PHTF2: variants seen among roughly 807,000 people sequenced by gnomAD.
PHTF2 encodes the protein protein PHTF2.
PHTF2 carries 60 observed loss-of-function variants against 101.2 expected under a neutral mutation model. The observed-to-expected ratio is 0.59, with a 90% CI of 0.48 to 0.73. PHTF2 has a LOEUF of 0.73. Ranked by LOEUF, PHTF2 falls within the 30% of genes least tolerant of loss-of-function variation. The probability of loss-of-function intolerance (pLI) is 0.00; values close to 1 mark genes in which losing one functional copy is unlikely to be tolerated. For missense variants in PHTF2, 747 were observed against 908.7 expected (o/e 0.82, Z 2.29); for synonymous variants, 311 against 307.3 (o/e 1.01, Z -0.13).
intron 7 of PHTF2, among the ~76,000 whole-genome samples, chr7:77,906,930 T>A (rs1801914426): frequency 1.1e-5 from 1 of 89,716 alleles, no homozygotes. Flanking sequence ...GAGTTAATGG[T>A]AGCTAAAAAA....
At chr7:77,885,992 A>G (rs1414040016) in intron 3 of PHTF2, among the ~76,000 whole-genome samples, 1 of 152,196 alleles carries the variant, frequency 6.6e-6, no homozygotes, top group Non-Finnish European at 1.5e-5. Flanking sequence ...TTTGACATAC[A>G]GTATTATGAT....
At chr7:77,899,060 C>T (rs190481611) in intron 5 of PHTF2, among the ~76,000 whole-genome samples, 16 of 152,192 alleles carry the variant, frequency 1.1e-4, no homozygotes, top group African/African-American at 7.2e-5. Flanking sequence ...CCTTGGCCCC[C>T]GCAAAGTGCT....
At position 77,805,713 on chromosome 7, in the gene PHTF2, A is replaced by G. The variant is rs1484651465; in HGVS notation, c.-36+6742A>G. On this transcript the variant is annotated intron_variant, in intron 1 of 19. Transcript: ENST00000416283. ...TTCCAAATATTTGGGGATTTTTCAG[A>G]TATTTTTTCCTTAGTTCTAACTTGA... is the stretch of plus-strand genomic sequence containing the variant. Among the ~76,000 whole-genome samples the G allele has an allele frequency of 2.0e-5, 3 of 152,302 alleles. No homozygotes were observed. The South Asian group carries it at 6.2e-4, about 32-fold the overall frequency.
intron 5 of PHTF2, 92 bp from the exon 5 acceptor site, chr7:77,900,619 T>A: frequency 1.4e-6 from 1 of 722,460 alleles, no homozygotes; most frequent in Non-Finnish European, 2.5e-6. Flanking sequence ...ATTAACAATT[T>A]TATTTTAAAT....
intron 12 of PHTF2, among the ~76,000 whole-genome samples, chr7:77,935,537 T>C (rs1156866873): frequency 6.6e-6 from 1 of 152,212 alleles, no homozygotes; most frequent in Non-Finnish European, 1.5e-5. Context: ...ATTAACTCTT[T>C]TAAAATTCAC....
chr7:77,887,991 A>G (rs890373635), intron 3 of PHTF2, among the ~76,000 whole-genome samples: 2 of 152,214 alleles, frequency 1.3e-5, no homozygotes, highest in African/African-American at 4.8e-5. Flanking sequence ...CTTGAAACAG[A>G]TCATTACTTA....
At chr7:77,867,312 G>C (rs1160660600) in intron 3 of PHTF2, among the ~76,000 whole-genome samples, 1 of 152,178 alleles carries the variant, frequency 6.6e-6, no homozygotes, top group Non-Finnish European at 1.5e-5. Context: ...GCAAGTGAAC[G>C]TAGGGTCGTT....
intron 11 of PHTF2, among the ~76,000 whole-genome samples, chr7:77,927,696 A>T (rs1275956241): frequency 6.6e-6 from 1 of 152,224 alleles, no homozygotes; most frequent in South Asian, 2.1e-4. Flanking sequence ...CCAGGTTTGT[A>T]TTCAAAGTTC....
chr7:77,863,877 C>G (rs1240112840), intron 3 of PHTF2, among the ~76,000 whole-genome samples: 2 of 150,214 alleles, frequency 1.3e-5, no homozygotes, highest in African/African-American at 4.9e-5. Flanking sequence ...GCTTCAACAT[C>G]CTGGGCTCCT....
intron 3 of PHTF2, among the ~76,000 whole-genome samples, chr7:77,879,274 G>A (rs1416366094): frequency 6.6e-6 from 1 of 152,108 alleles, no homozygotes; most frequent in African/African-American, 2.4e-5. Flanking sequence ...TAGCATTGAG[G>A]GCTAATCTTT....
At chr7:77,957,283 A>G (rs1449185737) in exon 20 of PHTF2, 9 of 151,582 alleles carry the variant, frequency 5.9e-5, no homozygotes, top group Admixed American at 5.9e-4. Context: ...TTTTGTGTTT[A>G]CTTAACATAA....
chr7:77,931,764 G>A (rs1421594203), intron 12 of PHTF2, among the ~76,000 whole-genome samples: 2 of 152,122 alleles, frequency 1.3e-5, no homozygotes, highest in African/African-American at 4.8e-5. Context: ...AGTGAAAGTT[G>A]AAAATATAAT....
chr7:77,844,532 TG>T (rs1481341765), intron 2 of PHTF2, among the ~76,000 whole-genome samples: 1 of 152,258 alleles, frequency 6.6e-6, no homozygotes, highest in African/African-American at 2.4e-5. Flanking sequence ...TCTTTTGTTT[TG>T]TTTTTTTGTT....
intron 1 of PHTF2, among the ~76,000 whole-genome samples, chr7:77,817,521 C>A (rs1793941943): frequency 6.6e-6 from 1 of 152,082 alleles, no homozygotes; most frequent in Non-Finnish European, 1.5e-5. Flanking sequence ...AAGGGTGAAG[C>A]CCTTTATGAA....
chr7:77,819,219 C>A (rs1298186662), intron 1 of PHTF2, among the ~76,000 whole-genome samples: 1 of 152,062 alleles, frequency 6.6e-6, no homozygotes, highest in Non-Finnish European at 1.5e-5. Flanking sequence ...ACTTGGTTGC[C>A]TATTATTTCT....
At chr7:77,803,005 C>T (rs927892220) in intron 1 of PHTF2, among the ~76,000 whole-genome samples, 2 of 152,212 alleles carry the variant, frequency 1.3e-5, no homozygotes, top group Non-Finnish European at 2.9e-5. Context: ...AGGAAAACTG[C>T]ATTTTTAGTC....
At chr7:77,948,050 G>C (rs1333600773) in intron 16 of PHTF2, among the ~76,000 whole-genome samples, 1 of 151,874 alleles carries the variant, frequency 6.6e-6, no homozygotes, top group Non-Finnish European at 1.5e-5. Flanking sequence ...ATGTTGGCCA[G>C]GCTGGTCTTG....
At chr7:77,855,390 C>T (rs1443175201) in intron 3 of PHTF2, among the ~76,000 whole-genome samples, 1 of 152,196 alleles carries the variant, frequency 6.6e-6, no homozygotes, top group Non-Finnish European at 1.5e-5. Context: ...CTCCTCTCCC[C>T]AAATGGAAGG....
intron 1 of PHTF2, among the ~76,000 whole-genome samples, chr7:77,822,184 G>A (rs1017324741): frequency 6.6e-6 from 1 of 152,248 alleles, no homozygotes; most frequent in Non-Finnish European, 1.5e-5. Context: ...TGTGGCAGTG[G>A]CAGCAGAGTG....
Sources: allele counts gnomAD v4.1 joint callset (sites outside exome capture counted in the v4.1 genomes callset), GRCh38; gene constraint gnomAD v4.1.1; transcripts MANE v1.5; gene names NCBI Gene and HGNC (gene_info 2026-07-23, HGNC 2026-07-21).